HAT1: variants seen among roughly 807,000 people sequenced by gnomAD.
HAT1 encodes histone acetyltransferase 1.
A neutral mutation model predicts 56.6 loss-of-function variants in HAT1; 20 were observed. The observed-to-expected ratio is 0.35, with a 90% CI of 0.25 to 0.51. The LOEUF is 0.51. Among genes scored for constraint, HAT1 ranks in the 20% least tolerant of loss-of-function variants. HAT1 has a pLI of 0.95. For missense variants in HAT1, 408 were observed against 504.3 expected (o/e 0.81, Z 1.83); for synonymous variants, 146 against 165.5 (o/e 0.88, Z 0.91).
chr2:171,931,645 G>C lies in HAT1; in HGVS notation c.112+6004G>C, dbSNP rs147679695. 6.8e-4 allele frequency among the ~76,000 whole-genome samples: 104 copies of C among 152,142 alleles called. 1 individual carries two copies. Among genetic ancestry groups the C allele is most frequent in the African/African-American group, 2.2e-3 (92 of 41,508 alleles). On this transcript the variant is annotated intron_variant, in intron 2 of 10. Transcript: ENST00000264108. ...GCCGAGATTGTGCCACTGCACTCCAGCCTGGGCGACAAAGCAAGACTGTGT... is the reference window on the plus strand; with the variant it reads ...GCCGAGATTGTGCCACTGCACTCCACCCTGGGCGACAAAGCAAGACTGTGT...
chr2:171,968,213 G>A (rs1687728074), intron 8 of HAT1, among the ~76,000 whole-genome samples: 1 of 152,070 alleles, frequency 6.6e-6, no homozygotes, highest in Non-Finnish European at 1.5e-5. Flanking sequence ...TTGTTTAAGC[G>A]ACAACTTCAC....
At chr2:171,962,611 C>A (rs1687600743) in intron 4 of HAT1, among the ~76,000 whole-genome samples, 1 of 152,202 alleles carries the variant, frequency 6.6e-6, no homozygotes, top group Non-Finnish European at 1.5e-5. Context: ...CCAGGCTGGT[C>A]TCAAACTCCT....
At chr2:171,946,493 C>T (rs576469996) in intron 2 of HAT1, among the ~76,000 whole-genome samples, 13 of 152,280 alleles carry the variant, frequency 8.5e-5, no homozygotes, top group African/African-American at 2.2e-4. Flanking sequence ...AGGGTTTTGA[C>T]GCTGAAGCAC....
intron 2 of HAT1, among the ~76,000 whole-genome samples, chr2:171,943,138 T>A (rs917427538): frequency 1.3e-5 from 2 of 151,764 alleles, no homozygotes; most frequent in African/African-American, 4.8e-5. Context: ...CACGGTGGCT[T>A]TGCCTGTAAT....
At chr2:171,941,741 C>T (rs1292103546) in intron 2 of HAT1, among the ~76,000 whole-genome samples, 1 of 152,124 alleles carries the variant, frequency 6.6e-6, no homozygotes, top group Admixed American at 6.6e-5. Context: ...TGAAGCTTTT[C>T]CAGCTTACCC....
intron 2 of HAT1, among the ~76,000 whole-genome samples, chr2:171,934,723 A>G (rs1203289261): frequency 1.3e-5 from 2 of 151,350 alleles, no homozygotes; most frequent in Non-Finnish European, 2.9e-5. Context: ...GCCACAAAGA[A>G]TAGACATATA....
intron 4 of HAT1, among the ~76,000 whole-genome samples, chr2:171,956,392 G>C (rs913057855): frequency 6.6e-6 from 1 of 151,380 alleles, no homozygotes; most frequent in Non-Finnish European, 1.5e-5. Flanking sequence ...TGTGCCTGTA[G>C]TTCCAGCTAC....
At chr2:171,947,378 C>T (rs549413376) in intron 3 of HAT1, among the ~76,000 whole-genome samples, 3 of 152,046 alleles carry the variant, frequency 2.0e-5, no homozygotes, top group South Asian at 2.1e-4. Context: ...CCTGAGCCTC[C>T]GAGTAGCTGG....
chr2:171,983,110 G>T, intron 10 of HAT1, 75 bp from the exon 11 acceptor site: 1 of 827,908 alleles, frequency 1.2e-6, no homozygotes, highest in Non-Finnish European at 1.9e-6. Context: ...TTTTAACATT[G>T]GAGACTTAAA....
chr2:171,939,921 G>A (rs1417657179), intron 2 of HAT1, among the ~76,000 whole-genome samples: 1 of 151,808 alleles, frequency 6.6e-6, no homozygotes, highest in African/African-American at 2.4e-5. Context: ...ACAGGCACAT[G>A]CCACCACACC....
chr2:171,964,788 G>A (rs1284409663), intron 4 of HAT1: 1 of 152,064 alleles, frequency 6.6e-6, no homozygotes, highest in Non-Finnish European at 1.5e-5. Flanking sequence ...AAGGATAAAA[G>A]AATGATATAT....
chr2:171,978,781 T>C (rs1239415408), intron 9 of HAT1, among the ~76,000 whole-genome samples: 1 of 152,198 alleles, frequency 6.6e-6, no homozygotes, highest in Non-Finnish European at 1.5e-5. Flanking sequence ...ATTGCTTACA[T>C]TCCTATTTAA....
At chr2:171,975,806 A>G (rs1482286640) in intron 8 of HAT1, among the ~76,000 whole-genome samples, 1 of 150,530 alleles carries the variant, frequency 6.6e-6, no homozygotes, top group Admixed American at 6.6e-5. Context: ...CAAAGAACCA[A>G]CTTTGTGTTT....
At chr2:171,978,579 C>CGAG (rs1688047795) in intron 9 of HAT1, among the ~76,000 whole-genome samples, 2 of 151,802 alleles carry the variant, frequency 1.3e-5, no homozygotes, top group African/African-American at 4.8e-5. Flanking sequence ...ACATCCTTCT[C>CGAG]TCAGTTTTTC....
At chr2:171,970,627 C>T (rs1282131739) in intron 8 of HAT1, among the ~76,000 whole-genome samples, 1 of 143,670 alleles carries the variant, frequency 7.0e-6, no homozygotes, top group East Asian at 2.4e-4. Flanking sequence ...TCAAGCAATT[C>T]TCCTGCCTCA....
chr2:171,951,671 A>AT (rs1284438300), intron 3 of HAT1, among the ~76,000 whole-genome samples: 2 of 132,842 alleles, frequency 1.5e-5, no homozygotes, highest in Non-Finnish European at 1.5e-5. Context: ...ACTTCCAGTG[A>AT]TCCCCCCCCG....
intron 2 of HAT1, among the ~76,000 whole-genome samples, chr2:171,945,479 A>G (rs1190552152): frequency 6.7e-6 from 1 of 149,538 alleles, no homozygotes; most frequent in Non-Finnish European, 1.5e-5. Context: ...CACTTTAGCT[A>G]GCTAGCTAGC....
At chr2:171,968,611 A>G (rs934884790) in intron 8 of HAT1, among the ~76,000 whole-genome samples, 25 of 152,182 alleles carry the variant, frequency 1.6e-4, no homozygotes, top group Non-Finnish European at 5.9e-5. Context: ...AAAAGACTAA[A>G]CATGCTAAAG....
At position 171,922,466 on chromosome 2, in the gene HAT1, G is replaced by C; in HGVS notation, c.-35G>C. ...GGCCCGGGAGCGCGCGGGTTGATTC[G>C]TCCTTCCTCAGCCGCGGGTGATCGT... On this transcript the variant is annotated 5_prime_UTR_variant, in exon 1 of 11. Transcript: ENST00000264108. 1 of 1,317,856 alleles carries C rather than the reference G, an allele frequency of 7.6e-7. No homozygotes were observed. 81.6% of individuals were successfully genotyped at this position (1,317,856 alleles called of 1,614,324 possible).
Sources: allele counts gnomAD v4.1 joint callset (sites outside exome capture counted in the v4.1 genomes callset), GRCh38; gene constraint gnomAD v4.1.1; transcripts MANE v1.5; gene names NCBI Gene and HGNC (gene_info 2026-07-23, HGNC 2026-07-21).